Variants in COL5A3 observed in about 807,000 individuals in gnomAD.
COL5A3 encodes the protein collagen alpha-3(V) chain.
A neutral mutation model predicts 250.0 loss-of-function variants in COL5A3; 172 were observed. The observed-to-expected ratio is 0.69, with a 90% confidence interval of 0.61 to 0.78. COL5A3 has a LOEUF of 0.78. COL5A3 is among the 30% of genes least tolerant of loss of function. COL5A3 has a pLI of 0.00. For synonymous variants in COL5A3, 937 were observed against 900.4 expected, an observed-to-expected ratio of 1.04 and a Z score of -0.73; for missense variants, 2,340 against 2,334.4, an observed-to-expected ratio of 1.00 and a Z score of -0.05.
chr19:9,984,952 T>A (rs1196334640), intron 31 of COL5A3, among the ~76,000 whole-genome samples: 1 of 144,306 alleles, frequency 6.9e-6, no homozygotes, highest in Non-Finnish European at 1.5e-5. Context: ...ATTTTTTTTT[T>A]TTTTTTTTTT....
At chr19:9,967,023 G>A (rs1313456269) in intron 62 of COL5A3, among the ~76,000 whole-genome samples, 2 of 151,882 alleles carry the variant, frequency 1.3e-5, no homozygotes, top group Admixed American at 6.6e-5. Flanking sequence ...AGAGAGCAGG[G>A]AGAGAGACAG....
chr19:10,000,535 C>A (rs2087345318), intron 8 of COL5A3, among the ~76,000 whole-genome samples: 1 of 144,058 alleles, frequency 6.9e-6, no homozygotes, highest in Non-Finnish European at 1.5e-5. Flanking sequence ...TGGCCTCAAG[C>A]GATCCTCCCG....
chr19:9,973,054 G>A, intron 50 of COL5A3, 28 bp from the exon 51 acceptor site: 1 of 1,571,996 alleles, frequency 6.4e-7, no homozygotes, highest in East Asian at 2.3e-5. Flanking sequence ...AGAGGTCAGA[G>A]TGGCCTGGAC....
In COL5A3 at chr19:9,966,756, G is replaced by A; in HGVS notation, c.4459-10C>T. 6.5e-7 allele frequency: 1 copy of A among 1,530,610 alleles called. No individual in the cohort carries two copies. Among genetic ancestry groups the A allele is most frequent in the African/African-American group, 1.4e-5 (1 of 73,028 alleles). 94.8% of individuals were successfully genotyped at this position (1,530,610 alleles called of 1,614,324 possible). ...GCTCGGCAGGGGCACCCTGGGCGTA[G>A]GGGATGGGGACGGAGAAGAGAGGGG... On this transcript the variant is annotated splice_polypyrimidine_tract_variant and intron_variant, in intron 62 of 66. Coordinates refer to ENST00000264828, the MANE Select transcript of COL5A3 (RefSeq NM_015719.4).
chr19:9,988,833 CAAAAAAAA>C (rs67181648), intron 27 of COL5A3, among the ~76,000 whole-genome samples: 4 of 39,426 alleles, frequency 1.0e-4, no homozygotes, highest in Admixed American at 2.8e-4. Flanking sequence ...GACTCTGTCT[CAAAAAAAA>C]AAAAAAAAAA....
rs908989409 is a variant in COL5A3 at position 9,993,542 on chromosome 19, A to G, written c.1695+77T>C. The G allele has an allele frequency of 5.1e-6, 8 of 1,583,090 alleles. No individual in the cohort carries two copies. In the African/African-American group the frequency reaches 9.4e-5, roughly 19 times the overall value. On this transcript the variant is annotated intron_variant, in intron 18 of 66. Transcript: ENST00000264828. ...GAGGGACACAGGGATCATGACTCTG[A>G]TACTGAGGGAGAAGTTGGGGGGGCT...
In COL5A3 at chr19:9,973,905, C is replaced by A. The variant is rs1568410859; in HGVS notation, c.3558+14G>T. Reference sequence around the variant, plus strand: ...CCCATCTCTGAGCCTTCCTGGCCCCCCAAGAGTTCTCACCTCTGATCCAGT... The same window carrying A: ...CCCATCTCTGAGCCTTCCTGGCCCCACAAGAGTTCTCACCTCTGATCCAGT... On this transcript the variant is annotated intron_variant, in intron 48 of 66. Coordinates refer to ENST00000264828, the MANE Select transcript of COL5A3 (RefSeq NM_015719.4). 2.5e-6 allele frequency: 4 copies of A among 1,586,370 alleles called. No homozygotes were observed. In the Admixed American group the frequency reaches 7.0e-5, roughly 28 times the overall value.
chr19:9,981,973 C>T (rs1233820398), intron 32 of COL5A3, 92 bp downstream of exon 32: 6 of 971,312 alleles, frequency 6.2e-6, no homozygotes, highest in Non-Finnish European at 1.0e-5. Flanking sequence ...TAGACACAAA[C>T]ACCCAGGGTC....
At chr19:10,004,176 G>T (rs370909376) in intron 4 of COL5A3, 31 bp from the exon 5 acceptor site, 4 of 1,535,916 alleles carry the variant, frequency 2.6e-6, no homozygotes, top group Non-Finnish European at 3.6e-6. Context: ...AGTCAAGGAG[G>T]GCAGCCATAC....
At chr19:10,006,942 C>CTGA (rs1309945127) in intron 1 of COL5A3, among the ~76,000 whole-genome samples, 1 of 152,022 alleles carries the variant, frequency 6.6e-6, no homozygotes, top group African/African-American at 2.4e-5. Context: ...CCTCTTCCCT[C>CTGA]TGACCCTCCT....
intron 24 of COL5A3, 51 bp downstream of exon 24, chr19:9,991,559 G>A (rs1314836118): frequency 6.7e-7 from 1 of 1,487,888 alleles, no homozygotes; most frequent in African/African-American, 1.4e-5. Flanking sequence ...TGGCAACAGA[G>A]TTGAAGGAAG....
chr19:9,967,288 T>C, intron 62 of COL5A3, 59 bp downstream of exon 62: 1 of 1,273,352 alleles, frequency 7.9e-7, no homozygotes, highest in South Asian at 2.0e-5. Context: ...CACCCAGACA[T>C]AGTCCTTGCT....
Position 9,997,385 on chromosome 19 carries a change from C to T in COL5A3, c.1249G>A (p.Asp417Asn), listed in dbSNP as rs140286940. 2.5e-4 allele frequency: 409 copies of T among 1,609,722 alleles called. 2 individuals carry two copies. Among genetic ancestry groups the T allele is most frequent in the Middle Eastern group, 1.5e-3 (9 of 6,050 alleles). ...GPPGPPGFPGDPGPPGPAGLP... is the reference protein window; with the variant it reads ...GPPGPPGFPGNPGPPGPAGLP... ...GAGTCTCTTACCGGTGGACCAGGGTCGCCAGGGAATCCTGGGGGGCCGGGA... is the reference window on the plus strand; with the variant it reads ...GAGTCTCTTACCGGTGGACCAGGGTTGCCAGGGAATCCTGGGGGGCCGGGA... Residue 417 changes from aspartate (D) to asparagine (N), a missense_variant, in exon 11 of 67, where the codon GAC becomes AAC. By Grantham distance (23) the Asp-to-Asn change is conservative (BLOSUM62 1). Transcript: ENST00000264828.
Position 9,996,093 on chromosome 19 carries a change from T to C in COL5A3, c.1506A>G (p.Lys502=), listed in dbSNP as rs139855967. ...PVGLPGHPGL[K]GEEGAEGPQG... is the part of the protein sequence containing the mutation. ...GTGGCCCTTCTGCTCCCTCCTCTCCTTTCAGACCTGGATGCCCGGGGAGAC... is the reference window on the plus strand; with the variant it reads ...GTGGCCCTTCTGCTCCCTCCTCTCCCTTCAGACCTGGATGCCCGGGGAGAC... Residue 502 remains lysine (K), a synonymous_variant, in exon 15 of 67, where the codon AAA becomes AAG. Transcript: ENST00000264828. The C allele has an allele frequency of 3.5e-5, 56 of 1,584,534 alleles. No individual in the cohort carries two copies. In the African/African-American group the frequency reaches 5.3e-4, roughly 15 times the overall value.
At chr19:9,974,506 G>T in intron 45 of COL5A3, 98 bp from the exon 46 acceptor site, 1 of 904,142 alleles carries the variant, frequency 1.1e-6, no homozygotes, top group Non-Finnish European at 1.6e-6. Flanking sequence ...GTTGGAGTCA[G>T]GGTTCAGATT....
chr19:9,972,017 C>T (rs2086854756), intron 51 of COL5A3, among the ~76,000 whole-genome samples: 1 of 152,238 alleles, frequency 6.6e-6, no homozygotes, highest in African/African-American at 2.4e-5. Context: ...TTTATTCACT[C>T]ATCTCTTCAG....
At chr19:9,999,751 C>T (rs1453490490) in intron 8 of COL5A3, among the ~76,000 whole-genome samples, 1 of 152,110 alleles carries the variant, frequency 6.6e-6, no homozygotes, top group East Asian at 1.9e-4. Flanking sequence ...CAGGCGTGAG[C>T]CACCGCGCCT....
chr19:10,007,208 C>T (rs1301968204), intron 1 of COL5A3, among the ~76,000 whole-genome samples: 2 of 151,788 alleles, frequency 1.3e-5, no homozygotes, highest in African/African-American at 2.4e-5. Flanking sequence ...GACCTCCTCC[C>T]TCTGACATTC....
rs1190622412 is a variant in COL5A3 at position 9,973,825 on chromosome 19, G to A, written c.3559-16C>T. ...CTGGAGTGCCCTGGAGAGACAGCAA[G>A]GGGTAAGAGTGGGACTGTGGAATCC... On this transcript the variant is annotated splice_polypyrimidine_tract_variant and intron_variant, in intron 48 of 66. Transcript: ENST00000264828. 1.2e-6 allele frequency: 2 copies of A among 1,613,946 alleles called. No homozygotes were observed. The highest frequency in any genetic ancestry group is 2.2e-5 in the South Asian group (2 of 91,086).
Sources: gnomAD v4.1 joint callset for allele counts (sites outside exome capture counted in the v4.1 genomes callset) on GRCh38, gnomAD v4.1.1 for gene constraint, MANE v1.5 for transcripts, NCBI Gene and HGNC (gene_info 2026-07-23, HGNC 2026-07-21) for gene names.